Variants in PHACTR1 observed in about 807,000 individuals in gnomAD.
PHACTR1 encodes phosphatase and actin regulator 1, also known as RPEL repeat containing 1.
PHACTR1 carries 16 observed loss-of-function variants against 69.2 expected under a neutral mutation model. The observed-to-expected ratio is 0.23, with a 90% CI of 0.16 to 0.35. The LOEUF is 0.35. PHACTR1 is among the 10% of genes least tolerant of loss of function. The pLI, the probability that PHACTR1 is intolerant of heterozygous loss-of-function variation, is 1.00. For missense variants in PHACTR1, 510 were observed against 734.7 expected (o/e 0.69, Z 3.54); for synonymous variants, 312 against 284.5 (o/e 1.10, Z -0.97).
At chr6:13,132,385 C>T (rs144418605) in intron 5 of PHACTR1, among the ~76,000 whole-genome samples, 1 of 152,304 alleles carries the variant, frequency 6.6e-6, no homozygotes, top group East Asian at 1.9e-4. Flanking sequence ...AGCTTATCAG[C>T]TTTCTCTAGA....
intron 7 of PHACTR1, among the ~76,000 whole-genome samples, chr6:13,190,257 A>T (rs569131716): frequency 2.3e-5 from 3 of 133,232 alleles, no homozygotes; most frequent in African/African-American, 8.7e-5. Context: ...CTGGTCTCGA[A>T]CTCCTGGCCT....
At chr6:13,026,900 C>T (rs1465668976) in intron 4 of PHACTR1, among the ~76,000 whole-genome samples, 2 of 151,522 alleles carry the variant, frequency 1.3e-5, no homozygotes, top group Non-Finnish European at 2.9e-5. Flanking sequence ...GATGGCCAGT[C>T]CCCTGTCAAA....
chr6:12,970,657 G>T (rs1479122599), intron 4 of PHACTR1, among the ~76,000 whole-genome samples: 1 of 152,204 alleles, frequency 6.6e-6, no homozygotes, highest in African/African-American at 2.4e-5. Context: ...TCAGAAGGCT[G>T]AGGCACGAGC....
chr6:13,209,757 T>G (rs1404693058), intron 8 of PHACTR1, among the ~76,000 whole-genome samples: 4 of 152,234 alleles, frequency 2.6e-5, no homozygotes, highest in Admixed American at 2.6e-4. Context: ...CAACATAGCC[T>G]GCTTCATTGT....
intron 4 of PHACTR1, among the ~76,000 whole-genome samples, chr6:12,996,708 C>A (rs549328528): frequency 1.3e-5 from 2 of 152,214 alleles, no homozygotes; most frequent in Admixed American, 6.5e-5. Flanking sequence ...TTCAACAAAT[C>A]TTTTTATTAG....
At chr6:13,089,098 C>G (rs571931740) in intron 5 of PHACTR1, among the ~76,000 whole-genome samples, 1 of 152,282 alleles carries the variant, frequency 6.6e-6, no homozygotes, top group African/African-American at 2.4e-5. Context: ...TCTACAGGTC[C>G]TCCACTAACA....
At chr6:12,900,497 A>G (rs1474012737) in intron 4 of PHACTR1, among the ~76,000 whole-genome samples, 1 of 152,198 alleles carries the variant, frequency 6.6e-6, no homozygotes, top group Non-Finnish European at 1.5e-5. Context: ...GTTTGAGGCC[A>G]GCCTGGACAA....
intron 6 of PHACTR1, among the ~76,000 whole-genome samples, chr6:13,180,059 A>G (rs1561949991): frequency 6.6e-6 from 1 of 152,184 alleles, no homozygotes; most frequent in Non-Finnish European, 1.5e-5. Flanking sequence ...AGCCAAGTAA[A>G]TATTGATATA....
chr6:13,262,761 A>G (rs55739420), intron 10 of PHACTR1, among the ~76,000 whole-genome samples: 7,902 of 152,130 alleles, frequency 0.052, 355 homozygotes, highest in African/African-American at 0.11. Context: ...ATCTCCTCCT[A>G]CTTTTGGAGA....
intron 4 of PHACTR1, among the ~76,000 whole-genome samples, chr6:12,818,513 C>A (rs2127707456): frequency 6.6e-6 from 1 of 152,254 alleles, no homozygotes; most frequent in South Asian, 2.1e-4. Flanking sequence ...CATGACCAAC[C>A]CAGATGCAAG....
chr6:12,728,519 C>T (rs879505254), intron 3 of PHACTR1, among the ~76,000 whole-genome samples: 3 of 152,112 alleles, frequency 2.0e-5, no homozygotes, highest in Non-Finnish European at 4.4e-5. Flanking sequence ...TAGAATTGCA[C>T]AGCTCTGAGT....
chr6:12,822,888 G>T (rs946878008), intron 4 of PHACTR1, among the ~76,000 whole-genome samples: 1 of 152,218 alleles, frequency 6.6e-6, no homozygotes, highest in South Asian at 2.1e-4. Flanking sequence ...GAGAGGTTAG[G>T]GCAGCGGACA....
intron 5 of PHACTR1, among the ~76,000 whole-genome samples, chr6:13,122,729 A>G (rs1818923662): frequency 6.6e-6 from 1 of 152,240 alleles, no homozygotes. Context: ...ACTGTTAGGT[A>G]TAATTCCCTT....
chr6:13,266,588 G>C (rs996585076), intron 10 of PHACTR1: 1 of 152,664 alleles, frequency 6.6e-6, no homozygotes, highest in East Asian at 1.9e-4. Flanking sequence ...AGGCTGCACA[G>C]GAAGCATGAT....
At chr6:13,136,939 A>T (rs1821657255) in intron 5 of PHACTR1, among the ~76,000 whole-genome samples, 1 of 152,232 alleles carries the variant, frequency 6.6e-6, no homozygotes, top group African/African-American at 2.4e-5. Context: ...GATCACCATA[A>T]CAGACCTAAT....
intron 5 of PHACTR1, among the ~76,000 whole-genome samples, chr6:13,142,777 A>C (rs913857510): frequency 2.3e-4 from 35 of 152,118 alleles, no homozygotes; most frequent in African/African-American, 8.5e-4. Context: ...TTTTTATGCC[A>C]GTACCATACT....
intron 4 of PHACTR1, among the ~76,000 whole-genome samples, chr6:12,912,743 AG>A (rs1786551724): frequency 6.6e-6 from 1 of 152,200 alleles, no homozygotes; most frequent in Non-Finnish European, 1.5e-5. Flanking sequence ...GCTTGAGCCC[AG>A]GAGTTCGAAA....
chr6:12,936,993 C>G (rs1789528675), intron 4 of PHACTR1, among the ~76,000 whole-genome samples: 1 of 152,112 alleles, frequency 6.6e-6, no homozygotes, highest in Non-Finnish European at 1.5e-5. Flanking sequence ...GTTTCCAAAA[C>G]TTAAGATTTC....
chr6:12,855,412 A>G (rs59857153), intron 4 of PHACTR1, among the ~76,000 whole-genome samples: 2,749 of 152,244 alleles, frequency 0.018, 74 homozygotes, highest in African/African-American at 0.06. Flanking sequence ...TGATTATACC[A>G]ATGCACCCTA....
Sources: allele counts gnomAD v4.1 joint callset (sites outside exome capture counted in the v4.1 genomes callset), GRCh38; gene constraint gnomAD v4.1.1; transcripts MANE v1.5; gene names NCBI Gene and HGNC (gene_info 2026-07-23, HGNC 2026-07-21).